The following RIMS1 variants were observed in gnomAD, a reference collection of about 807,000 sequenced individuals.
The protein encoded by RIMS1 is regulating synaptic membrane exocytosis protein 1.
Under a neutral mutation model 214.1 loss-of-function variants are expected in RIMS1, and 83 were observed. That is an observed-to-expected ratio of 0.39 (90% CI 0.32 to 0.47). RIMS1 has a LOEUF of 0.47. Ranked by LOEUF, RIMS1 falls within the 20% of genes least tolerant of loss-of-function variation. RIMS1 has a pLI of 0.99. For synonymous variants in RIMS1, 793 were observed against 786.8 expected, an observed-to-expected ratio of 1.01 and a Z score of -0.13; for missense variants, 2,050 against 2,161.8, an observed-to-expected ratio of 0.95 and a Z score of 1.03.
Position 71,886,979 on chromosome 6 carries a change from G to A in RIMS1, c.-45G>A. ...GCAGCTGCTGGGCGTGCATCCGAAA[G>A]GTGAGAGCCAGAGAGCGAGCAGAGG... On this transcript the variant is annotated 5_prime_UTR_variant, in exon 1 of 34. Transcript: ENST00000521978. The A allele has an allele frequency of 1.3e-6, 2 of 1,598,108 alleles. No homozygotes were observed. The highest frequency in any genetic ancestry group is 1.7e-6 in the Non-Finnish European group (2 of 1,171,830).
At chr6:72,076,469 C>G (rs1586398451) in intron 2 of RIMS1, among the ~76,000 whole-genome samples, 1 of 152,264 alleles carries the variant, frequency 6.6e-6, no homozygotes, top group East Asian at 1.9e-4. Flanking sequence ...CTTGAGAGCC[C>G]CACCCATATG....
intron 6 of RIMS1, chr6:72,217,359 A>G: frequency 1.1e-6 from 1 of 913,646 alleles, no homozygotes; most frequent in Non-Finnish European, 1.6e-6. Context: ...AGTAGAGAAT[A>G]AGGATGTTTT....
intron 1 of RIMS1, among the ~76,000 whole-genome samples, chr6:71,914,994 T>C (rs1238943834): frequency 1.3e-5 from 2 of 152,142 alleles, no homozygotes; most frequent in African/African-American, 4.8e-5. Context: ...TGAGTTTAAG[T>C]ATAAAAGGAA....
intron 24 of RIMS1, among the ~76,000 whole-genome samples, chr6:72,284,862 C>T (rs1401316099): frequency 6.6e-6 from 1 of 152,042 alleles, no homozygotes. Flanking sequence ...ACAGTATGAA[C>T]ACAAGAAAAG....
chr6:72,247,314 G>A (rs1025329386), intron 11 of RIMS1, among the ~76,000 whole-genome samples: 2 of 151,932 alleles, frequency 1.3e-5, no homozygotes, highest in South Asian at 4.2e-4. Flanking sequence ...CGAGGTGGGC[G>A]GATCACCTGA....
intron 2 of RIMS1, among the ~76,000 whole-genome samples, chr6:72,027,907 A>G (rs79590415): frequency 6.6e-6 from 1 of 152,116 alleles, no homozygotes; most frequent in Non-Finnish European, 1.5e-5. Flanking sequence ...GTCTTTTGCT[A>G]TTCTGTTGAG....
intron 2 of RIMS1, among the ~76,000 whole-genome samples, chr6:72,084,871 G>A (rs1351634512): frequency 6.6e-6 from 1 of 151,870 alleles, no homozygotes; most frequent in African/African-American, 2.4e-5. Context: ...TGCTAAATGG[G>A]GGACCATAAA....
At chr6:71,984,707 T>C (rs1223889469) in intron 2 of RIMS1, among the ~76,000 whole-genome samples, 1 of 152,152 alleles carries the variant, frequency 6.6e-6, no homozygotes, top group Non-Finnish European at 1.5e-5. Context: ...GTCCTGTAAG[T>C]TGAGATTGTA....
chr6:72,398,406 A>G, intron 32 of RIMS1, 56 bp downstream of exon 32: 1 of 1,007,186 alleles, frequency 9.9e-7, no homozygotes, highest in East Asian at 2.6e-5. Context: ...GCAAACAAAT[A>G]AAAACATTTG....
At chr6:72,092,455 GA>G (rs1186100059) in intron 2 of RIMS1, among the ~76,000 whole-genome samples, 1 of 152,066 alleles carries the variant, frequency 6.6e-6, no homozygotes, top group Non-Finnish European at 1.5e-5. Context: ...AACCCAGAAA[GA>G]AAAAATATTT....
chr6:72,111,155 A>C (rs571330545), intron 4 of RIMS1, among the ~76,000 whole-genome samples: 51 of 152,282 alleles, frequency 3.3e-4, no homozygotes, highest in African/African-American at 1.2e-3. Context: ...AAAGTTGCTT[A>C]GTTCTTTGTG....
At chr6:72,357,266 C>A (rs1272743199) in intron 29 of RIMS1, among the ~76,000 whole-genome samples, 1 of 152,140 alleles carries the variant, frequency 6.6e-6, no homozygotes, top group Non-Finnish European at 1.5e-5. Flanking sequence ...TGAGTGGGAC[C>A]AGCACTTTGG....
intron 1 of RIMS1, among the ~76,000 whole-genome samples, chr6:71,898,550 G>A (rs1772586775): frequency 6.6e-6 from 1 of 152,116 alleles, no homozygotes; most frequent in Non-Finnish European, 1.5e-5. Flanking sequence ...GCTGAGTTGA[G>A]GTGTGAGTGG....
At chr6:71,920,895 TA>T (rs1444894226) in intron 1 of RIMS1, among the ~76,000 whole-genome samples, 1 of 152,236 alleles carries the variant, frequency 6.6e-6, no homozygotes, top group Non-Finnish European at 1.5e-5. Flanking sequence ...GGTGTTGTAA[TA>T]TTTTTAAAAA....
intron 29 of RIMS1, among the ~76,000 whole-genome samples, chr6:72,346,370 T>C (rs1442267437): frequency 6.6e-6 from 1 of 151,840 alleles, no homozygotes; most frequent in African/African-American, 2.4e-5. Flanking sequence ...GATCTAACGC[T>C]TGAGTTCTTC....
chr6:72,013,426 A>G (rs1281252467), intron 2 of RIMS1, among the ~76,000 whole-genome samples: 4 of 152,232 alleles, frequency 2.6e-5, no homozygotes, highest in African/African-American at 7.2e-5. Flanking sequence ...TGCCATGGCT[A>G]TGTAGATAGT....
intron 6 of RIMS1, among the ~76,000 whole-genome samples, chr6:72,196,579 A>ATTTTTTTTTTTTTT (rs1562552453): frequency 1.2e-4 from 4 of 32,670 alleles, no homozygotes; most frequent in African/African-American, 4.4e-4. Context: ...AGCCAGCTGC[A>ATTTTTTTTTTTTTT]CTTTTTTTTT....
At chr6:72,262,613 T>C (rs2078550094) in intron 19 of RIMS1, 1 of 936,044 alleles carries the variant, frequency 1.1e-6, no homozygotes, top group South Asian at 4.9e-5. Flanking sequence ...ATATATAATC[T>C]CTTCTGTGTT....
chr6:72,225,667 C>A (rs2059977036), intron 6 of RIMS1, among the ~76,000 whole-genome samples: 1 of 152,124 alleles, frequency 6.6e-6, no homozygotes, highest in African/African-American at 2.4e-5. Context: ...GCTGGTTATT[C>A]CGAGACTTTG....
Sources: allele counts gnomAD v4.1 joint callset (sites outside exome capture counted in the v4.1 genomes callset), GRCh38; gene constraint gnomAD v4.1.1; transcripts MANE v1.5; gene names NCBI Gene and HGNC (gene_info 2026-07-23, HGNC 2026-07-21).